Variants in PHF20 observed in about 807,000 individuals in gnomAD.
PHF20 encodes PHD finger protein 20, also known as glioma-expressed antigen 2.
A neutral mutation model predicts 113.5 loss-of-function variants in PHF20; 23 were observed. The ratio of observed to expected loss-of-function variants is 0.20; its 90% CI spans 0.15 to 0.29. PHF20 has a LOEUF of 0.29. PHF20 is among the 10% of genes least tolerant of loss of function. The pLI is 1.00. For missense variants in PHF20, 943 were observed against 1,219.6 expected, an observed-to-expected ratio of 0.77 and a Z score of 3.38; for synonymous variants, 434 against 457.3, an observed-to-expected ratio of 0.95 and a Z score of 0.65.
chr20:35,910,812 A>G (rs2055285901), intron 10 of PHF20, among the ~76,000 whole-genome samples: 2 of 151,688 alleles, frequency 1.3e-5, no homozygotes, highest in African/African-American at 2.4e-5. Flanking sequence ...TATTTTTAGT[A>G]CAGATGGGGT....
intron 5 of PHF20, among the ~76,000 whole-genome samples, chr20:35,860,237 ATTT>A (rs34253757): frequency 2.3e-5 from 3 of 129,730 alleles, no homozygotes; most frequent in Admixed American, 7.9e-5. Context: ...TTTCTAAGAA[ATTT>A]TTTTTTTTTT....
intron 1 of PHF20, among the ~76,000 whole-genome samples, chr20:35,795,131 G>A (rs2041640849): frequency 6.6e-6 from 1 of 151,104 alleles, no homozygotes; most frequent in South Asian, 2.1e-4. Flanking sequence ...GGAGGAGGTT[G>A]CAGTGAGCTG....
chr20:35,841,826 T>C (rs150284216), intron 2 of PHF20, among the ~76,000 whole-genome samples: 1 of 152,264 alleles, frequency 6.6e-6, no homozygotes, highest in East Asian at 1.9e-4. Flanking sequence ...ATATTGCTTA[T>C]AAATGCTTAA....
At chr20:35,903,783 A>T (rs535163128) in intron 10 of PHF20, among the ~76,000 whole-genome samples, 1 of 152,166 alleles carries the variant, frequency 6.6e-6, no homozygotes. Flanking sequence ...GGCTCAGTAG[A>T]CATGTTCAGT....
intron 2 of PHF20, among the ~76,000 whole-genome samples, chr20:35,808,231 C>T (rs2041917783): frequency 6.6e-6 from 1 of 152,082 alleles, no homozygotes. Context: ...CATTTCTTTT[C>T]CTTTCTTCCT....
At chr20:35,782,653 A>C (rs78929714) in intron 1 of PHF20, 3 of 152,264 alleles carry the variant, frequency 2.0e-5, no homozygotes, top group African/African-American at 7.2e-5. Context: ...GGAATGCCTG[A>C]GTTTGAGTGC....
intron 2 of PHF20, among the ~76,000 whole-genome samples, chr20:35,830,204 G>A (rs1297154984): frequency 2.6e-5 from 4 of 152,150 alleles, no homozygotes; most frequent in South Asian, 2.1e-4. Flanking sequence ...GTGAGCCACC[G>A]TGCCCGGCCT....
At chr20:35,782,815 A>G (rs544403508) in intron 1 of PHF20, among the ~76,000 whole-genome samples, 7 of 152,214 alleles carry the variant, frequency 4.6e-5, no homozygotes, top group Non-Finnish European at 1.0e-4. Flanking sequence ...CCCAAGTATT[A>G]TCATAACTGT....
chr20:35,893,734 C>G (rs190911003), intron 9 of PHF20, among the ~76,000 whole-genome samples: 2 of 152,190 alleles, frequency 1.3e-5, no homozygotes, highest in Non-Finnish European at 2.9e-5. Context: ...CCTGCCTCAG[C>G]CCCCCGAGTA....
intron 2 of PHF20, among the ~76,000 whole-genome samples, chr20:35,836,175 A>AT (rs990198949): frequency 3.4e-5 from 5 of 148,734 alleles, no homozygotes; most frequent in Admixed American, 6.7e-5. Context: ...CTCATAGCAA[A>AT]TTTTTTTTTT....
chr20:35,784,465 C>T (rs1438900711), intron 1 of PHF20, among the ~76,000 whole-genome samples: 1 of 104,780 alleles, frequency 9.5e-6, no homozygotes, highest in East Asian at 3.4e-4. Context: ...GAGATGGAGT[C>T]TCACTGTGTC....
chr20:35,803,864 C>A (rs1401719599), intron 2 of PHF20, among the ~76,000 whole-genome samples: 1 of 151,330 alleles, frequency 6.6e-6, no homozygotes, highest in Admixed American at 6.6e-5. Flanking sequence ...ACCCTCCTCG[C>A]CCACCCCTGA....
At chr20:35,780,177 T>G (rs921729665) in intron 1 of PHF20, among the ~76,000 whole-genome samples, 1 of 151,656 alleles carries the variant, frequency 6.6e-6, no homozygotes, top group African/African-American at 2.4e-5. Context: ...GGTGGCAGCC[T>G]GGAAACCAGC....
intron 1 of PHF20, among the ~76,000 whole-genome samples, chr20:35,780,043 G>C (rs2041254276): frequency 1.3e-5 from 2 of 152,080 alleles, no homozygotes; most frequent in South Asian, 4.1e-4. Context: ...CTAATAAGCA[G>C]GGCCTCGATT....
intron 2 of PHF20, among the ~76,000 whole-genome samples, chr20:35,815,594 T>C (rs1296098474): frequency 6.6e-6 from 1 of 151,978 alleles, no homozygotes; most frequent in African/African-American, 2.4e-5. Flanking sequence ...GTCTCCTGAG[T>C]AGCTGGGACT....
chr20:35,835,944 A>C (rs553496099), intron 2 of PHF20, among the ~76,000 whole-genome samples: 2 of 152,308 alleles, frequency 1.3e-5, no homozygotes, highest in South Asian at 2.1e-4. Flanking sequence ...AAACAAATAA[A>C]ATAAGATAAA....
At chr20:35,868,122 T>C (rs554787012) in intron 6 of PHF20, among the ~76,000 whole-genome samples, 27 of 150,730 alleles carry the variant, frequency 1.8e-4, no homozygotes, top group Non-Finnish European at 3.0e-4. Context: ...GGAGAAACCC[T>C]GTCTCTACTA....
Position 35,785,891 on chromosome 20 carries a change from G to A in PHF20, c.-33+13812G>A, listed in dbSNP as rs76580008. 9.6e-3 allele frequency among the ~76,000 whole-genome samples: 1,456 copies of A among 150,902 alleles called. 16 individuals are homozygous for A. The highest frequency in any genetic ancestry group is 0.039 in the East Asian group (196 of 5,022). On this transcript the variant is annotated intron_variant, in intron 1 of 17. Coordinates refer to ENST00000374012, the MANE Select transcript of PHF20 (RefSeq NM_016436.5). ...ACTAAAAATACAAAAAATTAGCTGG[G>A]CATGGTTGCAGGTGCCTGTCATCTC...
intron 9 of PHF20, among the ~76,000 whole-genome samples, chr20:35,877,106 CAAA>C (rs760494622): frequency 2.8e-4 from 9 of 32,360 alleles, no homozygotes; most frequent in Admixed American, 7.5e-4. Flanking sequence ...GACTCTGTCT[CAAA>C]AAAAAAAAAA....
Sources: gnomAD v4.1 joint callset for allele counts (sites outside exome capture counted in the v4.1 genomes callset) on GRCh38, gnomAD v4.1.1 for gene constraint, MANE v1.5 for transcripts, NCBI Gene and HGNC (gene_info 2026-07-23, HGNC 2026-07-21) for gene names.